DLC1: variants seen among roughly 807,000 people sequenced by gnomAD.
The protein encoded by DLC1 is rho GTPase-activating protein 7.
In DLC1, 54 loss-of-function variants were observed where a neutral mutation model predicts 140.3. That is an observed-to-expected ratio of 0.38 (90% confidence interval 0.31 to 0.48). The LOEUF (loss-of-function observed/expected upper bound fraction) is 0.48. Ranked by LOEUF, DLC1 falls within the 20% of genes least tolerant of loss-of-function variation. The pLI is 0.96. For missense variants in DLC1, 2,536 were observed against 1,907.0 expected (o/e 1.33, Z -6.14); for synonymous variants, 986 against 728.1 (o/e 1.35, Z -5.70).
rs34321250 is a variant in DLC1 at position 13,141,256 on chromosome 8, C to CAAAAAAAAAAAAAAA, written c.1349-25614_1349-25600dup. Among the ~76,000 whole-genome samples the CAAAAAAAAAAAAAAA allele has an allele frequency of 9.3e-4, 59 of 63,754 alleles. 3 individuals carry two copies. The highest frequency in any genetic ancestry group is 2.4e-3 in the East Asian group (6 of 2,452). The allele number at this position is 63,754 out of a possible 152,430, so 41.8% of individuals were successfully genotyped here. The stretch of plus-strand genomic sequence containing the variant: ...GGTGACACAGTGCAAGAGTCTGTCT[C>CAAAAAAAAAAAAAAA]AAAAAAAAAAAAAAAAAAAAAAAAA... On this transcript the variant is annotated intron_variant, in intron 5 of 17. Coordinates refer to ENST00000276297, the MANE Select transcript of DLC1 (RefSeq NM_182643.3).
At chr8:13,416,055 C>T (rs1838041173) in intron 2 of DLC1, among the ~76,000 whole-genome samples, 1 of 152,176 alleles carries the variant, frequency 6.6e-6, no homozygotes, top group South Asian at 2.1e-4. Flanking sequence ...TACCTAGACA[C>T]TGCTCAGCTG....
chr8:13,098,192 C>T (rs897390246), intron 10 of DLC1, among the ~76,000 whole-genome samples: 8 of 151,910 alleles, frequency 5.3e-5, no homozygotes, highest in Non-Finnish European at 7.4e-5. Flanking sequence ...ACCACTGCAC[C>T]GCACTCCAGC....
At chr8:13,496,708 G>A (rs1801520061) in intron 2 of DLC1, among the ~76,000 whole-genome samples, 1 of 150,466 alleles carries the variant, frequency 6.6e-6, no homozygotes, top group African/African-American at 2.5e-5. Context: ...AGTGTGCTTG[G>A]ATCTGACTCC....
intron 2 of DLC1, among the ~76,000 whole-genome samples, chr8:13,426,641 G>A (rs1169615729): frequency 6.6e-6 from 1 of 152,092 alleles, no homozygotes; most frequent in African/African-American, 2.4e-5. Flanking sequence ...AAGCAAATAT[G>A]ACAATTGAGA....
intron 10 of DLC1, among the ~76,000 whole-genome samples, chr8:13,097,596 G>A (rs1585604211): frequency 6.6e-6 from 1 of 152,090 alleles, no homozygotes; most frequent in African/African-American, 2.4e-5. Flanking sequence ...CATGAATACG[G>A]TTATAAGACC....
At chr8:13,159,074 T>C (rs1824489748) in intron 5 of DLC1, among the ~76,000 whole-genome samples, 1 of 152,294 alleles carries the variant, frequency 6.6e-6, no homozygotes, top group Non-Finnish European at 1.5e-5. Context: ...TGGCTTCATA[T>C]TCAAATTCCA....
intron 5 of DLC1, chr8:13,304,866 G>A (rs1832351592): frequency 3.0e-6 from 3 of 987,378 alleles, no homozygotes; most frequent in Non-Finnish European, 3.6e-6. Flanking sequence ...TGATAGTATG[G>A]CATCAGCTTT....
At chr8:13,271,632 C>T (rs1321353990) in intron 5 of DLC1, among the ~76,000 whole-genome samples, 5 of 152,138 alleles carry the variant, frequency 3.3e-5, no homozygotes, top group African/African-American at 1.2e-4. Context: ...TTTTCTTGCC[C>T]TCTTCATAGG....
At chr8:13,582,849 T>C (rs1186606612) in intron 1 of DLC1, among the ~76,000 whole-genome samples, 1 of 142,216 alleles carries the variant, frequency 7.0e-6, no homozygotes, top group Admixed American at 7.3e-5. Context: ...CCAGTGCATA[T>C]AAAAGTTATG....
chr8:13,496,786 CTTTTTTTTTTTTTT>C (rs869192950), intron 2 of DLC1, among the ~76,000 whole-genome samples: 1 of 23,484 alleles, frequency 4.3e-5, no homozygotes, highest in South Asian at 1.4e-3. Flanking sequence ...AGACCATTTC[CTTTTTTTTTTTTTT>C]TTTTTTTTTT....
intron 2 of DLC1, among the ~76,000 whole-genome samples, chr8:13,465,817 C>G (rs1483300986): frequency 6.6e-6 from 1 of 151,994 alleles, no homozygotes; most frequent in Non-Finnish European, 1.5e-5. Context: ...ACCATATGCC[C>G]CTCCAATGCC....
intron 5 of DLC1, among the ~76,000 whole-genome samples, chr8:13,209,385 T>C (rs1026995400): frequency 2.6e-5 from 4 of 152,170 alleles, no homozygotes; most frequent in Non-Finnish European, 4.4e-5. Context: ...AATAACATCA[T>C]GATGAGATAC....
chr8:13,282,677 T>A (rs1831406303), intron 5 of DLC1, among the ~76,000 whole-genome samples: 1 of 152,174 alleles, frequency 6.6e-6, no homozygotes. Flanking sequence ...CATGTAAAAT[T>A]ACAGTGTGTT....
At chr8:13,311,671 A>G (rs1378038439) in intron 4 of DLC1, among the ~76,000 whole-genome samples, 3 of 152,116 alleles carry the variant, frequency 2.0e-5, no homozygotes, top group Non-Finnish European at 4.4e-5. Flanking sequence ...TTATAGCTTT[A>G]TTTATACTAT....
At chr8:13,560,258 A>G (rs1295438225) in intron 1 of DLC1, among the ~76,000 whole-genome samples, 1 of 152,180 alleles carries the variant, frequency 6.6e-6, no homozygotes, top group Non-Finnish European at 1.5e-5. Flanking sequence ...AAATCCTGAA[A>G]TATACCAATC....
chr8:13,555,242 C>T (rs1475315213), intron 1 of DLC1, among the ~76,000 whole-genome samples: 1 of 152,194 alleles, frequency 6.6e-6, no homozygotes, highest in Non-Finnish European at 1.5e-5. Context: ...CACATACCAT[C>T]TTCTAGTGTA....
At chr8:13,405,132 T>C (rs1279439330) in intron 2 of DLC1, among the ~76,000 whole-genome samples, 2 of 152,120 alleles carry the variant, frequency 1.3e-5, no homozygotes, top group Non-Finnish European at 2.9e-5. Flanking sequence ...AAATTTATTA[T>C]AATTAACATA....
intron 5 of DLC1, among the ~76,000 whole-genome samples, chr8:13,220,025 G>C (rs1260777284): frequency 6.6e-6 from 1 of 152,166 alleles, no homozygotes; most frequent in Non-Finnish European, 1.5e-5. Flanking sequence ...GGGAAGAGGA[G>C]GGGTTGGCGG....
chr8:13,112,015 G>A (rs543143576), intron 6 of DLC1, among the ~76,000 whole-genome samples: 3 of 152,230 alleles, frequency 2.0e-5, no homozygotes, highest in East Asian at 3.9e-4. Flanking sequence ...ACTGGGCATG[G>A]TGGCATGCGG....
Sources: gnomAD v4.1 joint callset for allele counts (sites outside exome capture counted in the v4.1 genomes callset) on GRCh38, gnomAD v4.1.1 for gene constraint, MANE v1.5 for transcripts, NCBI Gene and HGNC (gene_info 2026-07-23, HGNC 2026-07-21) for gene names.